The following TBC1D9 variants were observed in gnomAD, a reference collection of about 807,000 sequenced individuals.
TBC1D9 encodes the protein TBC1 domain family member 9A.
Under a neutral mutation model 132.0 loss-of-function variants are expected in TBC1D9, and 63 were observed. That is an observed-to-expected ratio of 0.48 (90% CI 0.39 to 0.59). The LOEUF (loss-of-function observed/expected upper bound fraction) is 0.59. Ranked by LOEUF, TBC1D9 falls within the 20% of genes least tolerant of loss-of-function variation. The pLI is 0.00. For missense variants in TBC1D9, 1,261 were observed against 1,592.7 expected, an observed-to-expected ratio of 0.79 and a Z score of 3.54; for synonymous variants, 610 against 609.9, an observed-to-expected ratio of 1.00 and a Z score of 0.00.
At chr4:140,623,966 C>A in intron 20 of TBC1D9, 150 bp downstream of exon 20, 1 of 627,708 alleles carries the variant, frequency 1.6e-6, no homozygotes. Context: ...TGCATAAATA[C>A]ATGCACAAAA....
At position 140,622,398 on chromosome 4, in the gene TBC1D9, G is replaced by A. The variant is rs946468469; in HGVS notation, c.3598C>T (p.Pro1200Ser). 5 of 1,612,898 alleles carry A rather than the reference G, an allele frequency of 3.1e-6. No homozygotes were observed. Among genetic ancestry groups the A allele is most frequent in the Middle Eastern group, 3.3e-4 (2 of 6,058 alleles). ...VRSGQGTAALPRSTSLDRDWA... is the reference protein window; with the variant it reads ...VRSGQGTAALSRSTSLDRDWA... Reference sequence around the variant, plus strand: ...TCCCGGTCCAGGCTGGTGCTCCGGGGCAGTGCCGCCGTGCCCTGGCCGCTC... The same window carrying A: ...TCCCGGTCCAGGCTGGTGCTCCGGGACAGTGCCGCCGTGCCCTGGCCGCTC... Residue 1200 changes from proline (P) to serine (S), a missense_variant, in exon 21 of 21, where the codon CCC (proline) becomes TCC (serine). By Grantham distance (74) the Pro-to-Ser change is moderately conservative. Around this residue, in one of 3 missense-constraint regions of TBC1D9, gnomAD observed 618 missense variants for 724.4 expected, o/e 0.85. Coordinates refer to ENST00000442267, the MANE Select transcript of TBC1D9 (RefSeq NM_015130.3).
Position 140,690,067 on chromosome 4 carries a change from A to G in TBC1D9, c.242-3605T>C, listed in dbSNP as rs184246691. 3.2e-3 allele frequency among the ~76,000 whole-genome samples: 480 copies of G among 152,012 alleles called. 4 individuals carry two copies. Among genetic ancestry groups the G allele is most frequent in the Non-Finnish European group, 3.4e-3 (233 of 67,988 alleles). The stretch of plus-strand genomic sequence containing the variant: ...AAAGGATAAAGGTTTCTTTATGCAC[A>G]CATTTCTATATGTACATCCCCACCA... On this transcript the variant is annotated intron_variant, in intron 2 of 20. Coordinates refer to ENST00000442267, the MANE Select transcript of TBC1D9 (RefSeq NM_015130.3).
chr4:140,669,842 C>T (rs756251485), intron 7 of TBC1D9, 38 bp from the exon 8 acceptor site: 31 of 1,575,304 alleles, frequency 2.0e-5, no homozygotes, highest in South Asian at 3.4e-5. Context: ...TGGGAGGACA[C>T]GGGCAATAGA....
At chr4:140,636,960 A>G (rs550404306) in intron 15 of TBC1D9, among the ~76,000 whole-genome samples, 1 of 152,310 alleles carries the variant, frequency 6.6e-6, no homozygotes, top group East Asian at 1.9e-4. Context: ...GGTTTTGAGT[A>G]TAAGAAAACT....
At position 140,670,811 on chromosome 4, in the gene TBC1D9, A is replaced by G. The variant is rs1737522235; in HGVS notation, c.1175T>C (p.Val392Ala). ...TTGCAGGAAATCTGAGATCCTCTGC[A>G]CTAGAAAGTCTCTATCTTTCAAGTT... ...FANLKDRDFL[V>A]QRISDFLQQT... Residue 392 changes from valine (V) to alanine (A), a missense_variant, in exon 7 of 21, where the codon GTG (valine) becomes GCG (alanine). By Grantham distance (64) the Val-to-Ala change is moderately conservative. This residue lies in a region of TBC1D9 where 550 missense variants were observed against 699.0 expected (regional missense o/e 0.79). Coordinates refer to ENST00000442267, the MANE Select transcript of TBC1D9 (RefSeq NM_015130.3). 1.9e-6 allele frequency: 3 copies of G among 1,614,026 alleles called. No homozygotes were observed. Among genetic ancestry groups the G allele is most frequent in the Non-Finnish European group, 2.5e-6 (3 of 1,179,888 alleles).
intron 11 of TBC1D9, 34 bp downstream of exon 11, chr4:140,659,554 C>T (rs1352079292): frequency 2.1e-6 from 3 of 1,441,160 alleles, no homozygotes; most frequent in Non-Finnish European, 2.9e-6. Context: ...CTTGACGAGA[C>T]ATAGGTTGAA....
At chr4:140,707,519 G>C (rs1457846747) in intron 1 of TBC1D9, among the ~76,000 whole-genome samples, 1 of 152,188 alleles carries the variant, frequency 6.6e-6, no homozygotes, top group Non-Finnish European at 1.5e-5. Context: ...GAAGATGGTA[G>C]GTTTCTGTAG....
intron 15 of TBC1D9, among the ~76,000 whole-genome samples, chr4:140,635,839 C>T (rs1489839221): frequency 1.3e-5 from 2 of 151,992 alleles, no homozygotes; most frequent in African/African-American, 2.4e-5. Context: ...AGGGTGGAGG[C>T]GGGTGTGTCA....
chr4:140,739,826 C>A (rs1738731969), intron 1 of TBC1D9, among the ~76,000 whole-genome samples: 1 of 151,968 alleles, frequency 6.6e-6, no homozygotes. Flanking sequence ...AATAACAAGA[C>A]CCTATCATAT....
At chr4:140,656,613 T>G (rs949136961) in intron 13 of TBC1D9, among the ~76,000 whole-genome samples, 5 of 152,236 alleles carry the variant, frequency 3.3e-5, no homozygotes, top group Admixed American at 1.3e-4. Context: ...TCTTTGCAGT[T>G]AACTCCTCTC....
Position 140,701,573 on chromosome 4 carries a change from C to A in TBC1D9, c.172G>T (p.Ala58Ser). 1.2e-6 allele frequency: 2 copies of A among 1,613,902 alleles called. No individual in the cohort carries two copies. The highest frequency in any genetic ancestry group is 2.2e-5 in the South Asian group (2 of 91,078). Residue 58 changes from alanine (A) to serine (S), a missense_variant, in exon 2 of 21, where the codon GCC (alanine) becomes TCC (serine). Transcript: ENST00000442267. ...GTLDVVLDSS[A>S]RVAPYRILYQ... The stretch of plus-strand genomic sequence containing the variant: ...AAGATTCGGTAAGGAGCGACCCGGG[C>A]GCTGGAGTCCAACACAACATCAAGG...
intron 13 of TBC1D9, among the ~76,000 whole-genome samples, chr4:140,656,028 T>C (rs1433928349): frequency 6.6e-6 from 1 of 152,110 alleles, no homozygotes; most frequent in Non-Finnish European, 1.5e-5. Flanking sequence ...ACAGCTTGTC[T>C]TGCCATGTGC....
intron 9 of TBC1D9, among the ~76,000 whole-genome samples, chr4:140,666,760 C>A (rs1321830547): frequency 6.7e-6 from 1 of 148,738 alleles, no homozygotes; most frequent in Non-Finnish European, 1.5e-5. Context: ...CTGAATTGTA[C>A]ACCTTAACTA....
chr4:140,678,050 A>T (rs1442506147), intron 5 of TBC1D9, among the ~76,000 whole-genome samples: 1 of 150,266 alleles, frequency 6.7e-6, no homozygotes, highest in Non-Finnish European at 1.5e-5. Context: ...CTCCTTTACC[A>T]CTGAATTTCT....
intron 6 of TBC1D9, among the ~76,000 whole-genome samples, chr4:140,675,004 T>C (rs1354238587): frequency 6.6e-6 from 1 of 152,176 alleles, no homozygotes; most frequent in African/African-American, 2.4e-5. Flanking sequence ...CCATCACATC[T>C]GGCCTATAGA....
intron 2 of TBC1D9, among the ~76,000 whole-genome samples, chr4:140,687,826 CTG>C (rs1392285275): frequency 6.6e-6 from 1 of 152,150 alleles, no homozygotes; most frequent in Non-Finnish European, 1.5e-5. Context: ...TGGCTCACGA[CTG>C]TAATCCTGGC....
intron 3 of TBC1D9, among the ~76,000 whole-genome samples, chr4:140,684,575 C>A (rs1161207797): frequency 1.3e-5 from 2 of 151,878 alleles, no homozygotes; most frequent in African/African-American, 4.8e-5. Flanking sequence ...CATAATTGGT[C>A]TTTGTTTGTT....
rs200708592 is a variant in TBC1D9 at position 140,624,420 on chromosome 4, G to A, written c.2900-32C>T. On this transcript the variant is annotated intron_variant, in intron 18 of 20. Coordinates refer to ENST00000442267, the MANE Select transcript of TBC1D9 (RefSeq NM_015130.3). ...AGAAATGGTTCAGAAGAAAAAAGTA[G>A]AATGTTATATAATATGACCATGGAA... is the stretch of plus-strand genomic sequence containing the variant. The A allele has an allele frequency of 8.2e-6, 13 of 1,578,430 alleles. No homozygotes were observed. In the African/African-American group the frequency reaches 1.2e-4, roughly 15 times the overall value.
At chr4:140,643,131 G>A in intron 13 of TBC1D9, 2 of 1,425,342 alleles carry the variant, frequency 1.4e-6, no homozygotes, top group Non-Finnish European at 1.9e-6. Context: ...TCCCACCACG[G>A]GCCCATCCAG....
Sources: allele counts gnomAD v4.1 joint callset (sites outside exome capture counted in the v4.1 genomes callset), GRCh38; gene constraint gnomAD v4.1.1; regional missense constraint gnomAD v4.1.1; transcripts MANE v1.5; gene names NCBI Gene and HGNC (gene_info 2026-07-23, HGNC 2026-07-21).